CPNE1: variants seen among roughly 807,000 people sequenced by gnomAD.
CPNE1 encodes copine-1.
In CPNE1, 58 loss-of-function variants were observed where a neutral mutation model predicts 63.2. The observed-to-expected ratio is 0.92, with a 90% CI of 0.74 to 1.14. The LOEUF (loss-of-function observed/expected upper bound fraction) is 1.14, where lower values mean the gene tolerates loss of function less well. Ranked by LOEUF, CPNE1 falls within the 50% of genes most tolerant of loss-of-function variation. The pLI, the probability that CPNE1 is intolerant of heterozygous loss-of-function variation, is 0.00. For synonymous variants in CPNE1, 237 were observed against 249.0 expected, an observed-to-expected ratio of 0.95 and a Z score of 0.45; for missense variants, 672 against 661.7, an observed-to-expected ratio of 1.02 and a Z score of -0.17.
intron 1 of CPNE1, chr20:35,649,610 C>G (rs2033359985): frequency 6.6e-6 from 1 of 152,588 alleles, no homozygotes; most frequent in African/African-American, 2.4e-5. Flanking sequence ...TACATCCAAA[C>G]TACTGTGTAA....
chr20:35,641,483 A>C (rs556466809), intron 1 of CPNE1, among the ~76,000 whole-genome samples: 2 of 152,350 alleles, frequency 1.3e-5, no homozygotes, highest in South Asian at 2.1e-4. Flanking sequence ...AATTGATGTC[A>C]TATCTATATA....
At chr20:35,644,161 T>G (rs1191713789) in intron 1 of CPNE1, among the ~76,000 whole-genome samples, 1 of 152,136 alleles carries the variant, frequency 6.6e-6, no homozygotes, top group African/African-American at 2.4e-5. Context: ...AAGTACCCAG[T>G]GTCAACTGTC....
Position 35,632,504 on chromosome 20 carries a change from C to T in CPNE1, c.309+13G>A. On this transcript the variant is annotated intron_variant, in intron 3 of 15. Transcript: ENST00000397443. ...CCTGCATCTGAAGGATCCTAATCCC[C>T]AGCCCTACATACCTGTCCTAGGGAA... 6.2e-7 allele frequency: 1 copy of T among 1,612,918 alleles called. No homozygotes were observed. Among genetic ancestry groups the T allele is most frequent in the Non-Finnish European group, 8.5e-7 (1 of 1,179,108 alleles).
chr20:35,629,286 A>C (rs1438432846), intron 13 of CPNE1, among the ~76,000 whole-genome samples: 1 of 152,184 alleles, frequency 6.6e-6, no homozygotes, highest in African/African-American at 2.4e-5. Context: ...TTGAAATACA[A>C]AATTAAAATT....
At chr20:35,628,444 C>A in intron 13 of CPNE1, among the ~76,000 whole-genome samples, 1 of 151,924 alleles carries the variant, frequency 6.6e-6, no homozygotes, top group Non-Finnish European at 1.5e-5. Context: ...TAGATCTTAC[C>A]TTAACTAAGT....
intron 11 of CPNE1, 40 bp from the exon 12 acceptor site, chr20:35,630,835 G>A (rs1487729720): frequency 1.9e-6 from 3 of 1,606,968 alleles, no homozygotes; most frequent in Admixed American, 1.7e-5. Context: ...GCAGTGAGGG[G>A]ACTGTAAGCT....
intron 1 of CPNE1, chr20:35,653,014 G>C: frequency 1.2e-6 from 2 of 1,613,798 alleles, no homozygotes; most frequent in Non-Finnish European, 1.7e-6. Flanking sequence ...TCCAAAACCC[G>C]GAACATCCAG....
In CPNE1 at chr20:35,632,157, A is replaced by C; in HGVS notation, c.456+6T>G. ...TTGGATTACCAGGGCCTACTTCCAG[A>C]CACACCTTCTTATCTAGGTTTCTGG... is the stretch of plus-strand genomic sequence containing the variant. On this transcript the variant is annotated splice_donor_region_variant and intron_variant, in intron 5 of 15. Transcript: ENST00000397443. 1 of 1,613,876 alleles carries C rather than the reference A, an allele frequency of 6.2e-7. No homozygotes were observed. The highest frequency in any genetic ancestry group is 8.5e-7 in the Non-Finnish European group (1 of 1,179,794).
intron 1 of CPNE1, among the ~76,000 whole-genome samples, chr20:35,660,511 G>A (rs1428670580): frequency 1.3e-5 from 2 of 152,050 alleles, no homozygotes; most frequent in African/African-American, 2.4e-5. Context: ...GAGCCACCAC[G>A]CCTGGCCTAG....
rs745549086 is a variant in CPNE1, at chr20:35,632,777, C to A, written c.129+18G>T. 6.9e-6 allele frequency: 6 copies of A among 871,480 alleles called. No homozygotes were observed. The Admixed American group carries it at 1.0e-4, about 15-fold the overall frequency. 54.0% of individuals were successfully genotyped at this position (871,480 alleles called of 1,614,324 possible). ...CCTAGCCTCCCTCCACAACCTTAACCTCCATAATCCGCCTCACCTCAGCCC... is the reference window on the plus strand; with the variant it reads ...CCTAGCCTCCCTCCACAACCTTAACATCCATAATCCGCCTCACCTCAGCCC... On this transcript the variant is annotated intron_variant, in intron 2 of 15. Coordinates refer to ENST00000397443, the MANE Select transcript of CPNE1 (RefSeq NM_152925.3).
chr20:35,633,276 A>G (rs574974722), intron 1 of CPNE1, among the ~76,000 whole-genome samples: 4 of 152,206 alleles, frequency 2.6e-5, no homozygotes, highest in Non-Finnish European at 5.9e-5. Context: ...GCAAAGACCA[A>G]TAAATCTTTC....
At chr20:35,664,234 A>G (rs1327856557) in intron 1 of CPNE1, 1 of 152,250 alleles carries the variant, frequency 6.6e-6, no homozygotes, top group African/African-American at 2.4e-5. Context: ...CTGAACTCAC[A>G]GGAGTGTACC....
chr20:35,660,933 C>A (rs2034199761), intron 1 of CPNE1, among the ~76,000 whole-genome samples: 1 of 152,148 alleles, frequency 6.6e-6, no homozygotes, highest in African/African-American at 2.4e-5. Context: ...TCAAAAATTT[C>A]TAAAAGGTTA....
intron 14 of CPNE1, 113 bp downstream of exon 14, chr20:35,627,167 G>GAC (rs1383274933): frequency 1.9e-6 from 2 of 1,036,196 alleles, no homozygotes; most frequent in African/African-American, 3.9e-5. Context: ...CAGCCTGGGT[G>GAC]ACAGAGCAAG....
chr20:35,662,116 T>C lies in CPNE1; in HGVS notation c.-1+2644A>G, dbSNP rs2034263798. The stretch of plus-strand genomic sequence containing the variant: ...TTATTCTGACACTGATGGAGATGTG[T>C]ACTTTTTATAACGCATTACTCAATT... On this transcript the variant is annotated intron_variant, in intron 1 of 15. Coordinates refer to ENST00000397443, the MANE Select transcript of CPNE1 (RefSeq NM_152925.3). 2.0e-5 allele frequency among the ~76,000 whole-genome samples: 3 copies of C among 152,202 alleles called. No homozygotes were observed. The South Asian group carries it at 6.2e-4, about 31-fold the overall frequency.
intron 1 of CPNE1, 114 bp from the exon 2 acceptor site, chr20:35,633,037 T>G: frequency 1.4e-6 from 1 of 739,196 alleles, no homozygotes; most frequent in Admixed American, 2.4e-5. Flanking sequence ...TGAGCATACG[T>G]CCACCCCCGT....
At chr20:35,658,185 A>T (rs1286015850) in intron 1 of CPNE1, among the ~76,000 whole-genome samples, 1 of 152,228 alleles carries the variant, frequency 6.6e-6, no homozygotes, top group Non-Finnish European at 1.5e-5. Flanking sequence ...CTTAAACAAG[A>T]GGGTTAGATT....
At chr20:35,656,781 A>G (rs1202262269) in intron 1 of CPNE1, among the ~76,000 whole-genome samples, 2 of 147,198 alleles carry the variant, frequency 1.4e-5, no homozygotes, top group African/African-American at 4.9e-5. Context: ...TGCTGGGATT[A>G]CAGGCGTGAG....
chr20:35,645,352 A>G (rs1014326595), intron 1 of CPNE1, among the ~76,000 whole-genome samples: 4 of 152,202 alleles, frequency 2.6e-5, no homozygotes, highest in Admixed American at 1.3e-4. Flanking sequence ...AGGAAACTAC[A>G]CTATGACAAA....
Sources: allele counts gnomAD v4.1 joint callset (sites outside exome capture counted in the v4.1 genomes callset), GRCh38; gene constraint gnomAD v4.1.1; transcripts MANE v1.5; gene names NCBI Gene and HGNC (gene_info 2026-07-23, HGNC 2026-07-21).